GRIN2A: variants seen among roughly 807,000 people sequenced by gnomAD.
GRIN2A encodes glutamate ionotropic receptor NMDA type subunit 2A, also known as glutamate receptor ionotropic, NMDA 2A.
GRIN2A carries 22 observed loss-of-function variants against 113.4 expected under a neutral mutation model. That is an observed-to-expected ratio of 0.19 (90% confidence interval 0.14 to 0.28). The LOEUF is 0.28. GRIN2A is among the 10% of genes least tolerant of loss of function. GRIN2A has a pLI of 1.00. For synonymous variants in GRIN2A, 827 were observed against 738.4 expected, an observed-to-expected ratio of 1.12 and a Z score of -1.94; for missense variants, 1,502 against 1,887.0, an observed-to-expected ratio of 0.80 and a Z score of 3.78.
chr16:10,135,447 G>C (rs1337049734), intron 2 of GRIN2A, among the ~76,000 whole-genome samples: 3 of 152,164 alleles, frequency 2.0e-5, no homozygotes, highest in Admixed American at 6.5e-5. Flanking sequence ...TCTGTTGAAG[G>C]ATGTCTAGTC....
rs1900444392 is a variant in GRIN2A at position 9,758,380 on chromosome 16, A to G, written c.*4769T>C. ...CCCTCATCCCAGAGTTTTGTTTTTT[A>G]AAGAAGGGGCCAAGAACGCCAACAC... On this transcript the variant is annotated 3_prime_UTR_variant, in exon 13 of 13. Transcript: ENST00000330684. The G allele has an allele frequency of 4.5e-6, 1 of 223,374 alleles. No individual in the cohort carries two copies. Among genetic ancestry groups the G allele is most frequent in the Non-Finnish European group, 8.9e-6 (1 of 111,872 alleles). The allele number at this position is 223,374 out of a possible 1,614,324, so 13.8% of individuals were successfully genotyped here. A position where few individuals can be genotyped will look rare whatever the true frequency, so the allele number is the denominator to read the frequency against.
intron 2 of GRIN2A, among the ~76,000 whole-genome samples, chr16:10,129,827 G>A (rs969806063): frequency 6.6e-6 from 1 of 152,206 alleles, no homozygotes; most frequent in African/African-American, 2.4e-5. Flanking sequence ...GACCAGCGAG[G>A]TCATGCATTG....
intron 7 of GRIN2A, among the ~76,000 whole-genome samples, chr16:9,834,472 C>A (rs79454775): frequency 6.6e-6 from 1 of 152,160 alleles, no homozygotes; most frequent in Non-Finnish European, 1.5e-5. Flanking sequence ...ACCTCCGCCC[C>A]CCAGGTTCAA....
chr16:9,902,603 A>C (rs927813161), intron 3 of GRIN2A, among the ~76,000 whole-genome samples: 1 of 152,182 alleles, frequency 6.6e-6, no homozygotes, highest in African/African-American at 2.4e-5. Flanking sequence ...AAAATCTTTC[A>C]GATTTCAAAG....
chr16:10,055,046 TC>T (rs530173491), intron 2 of GRIN2A, among the ~76,000 whole-genome samples: 213 of 12,458 alleles, frequency 0.017, 2 homozygotes, highest in Middle Eastern at 0.14. Context: ...AGACTCTATC[TC>T]AAAAAAAAAA....
At chr16:10,179,893 C>CCCCAAACAAAAACAACCA in intron 2 of GRIN2A, 105 bp downstream of exon 2, 1 of 719,818 alleles carries the variant, frequency 1.4e-6, no homozygotes, top group Non-Finnish European at 2.4e-6. Context: ...CCCCCACCCC[C>CCCCAAACAAAAACAACCA]ACTTCACATC....
rs1900325665 is a variant in GRIN2A at position 9,755,738 on chromosome 16, G to C, written c.*7411C>G. The C allele has an allele frequency of 1.9e-5, 4 of 210,368 alleles. No individual in the cohort carries two copies. The highest frequency in any genetic ancestry group is 9.1e-5 in the African/African-American group (4 of 43,964). The allele number at this position is 210,368 out of a possible 1,614,324, so 13.0% of individuals were successfully genotyped here. On this transcript the variant is annotated 3_prime_UTR_variant, in exon 13 of 13. Coordinates refer to ENST00000330684, the MANE Select transcript of GRIN2A (RefSeq NM_001134407.3). ...ATATGTTAAACATTAGGCCATTCTG[G>C]GTACCTATAAAGCCCGGTGGAAGCG...
In GRIN2A at chr16:10,171,444, G is replaced by C. The variant is rs372993325; in HGVS notation, c.414+8554C>G. The C allele has an allele frequency of 6.6e-4, 101 of 152,298 alleles. 2 individuals carry two copies. Among genetic ancestry groups the C allele is most frequent in the African/African-American group, 2.3e-3 (96 of 41,558 alleles). The allele number at this position is 152,298 out of a possible 1,614,324, so 9.4% of individuals were successfully genotyped here. On this transcript the variant is annotated intron_variant, in intron 2 of 12. Coordinates refer to ENST00000330684, the MANE Select transcript of GRIN2A (RefSeq NM_001134407.3). Reference sequence around the variant, plus strand: ...GTTGGTGGAGTCATTTAGTGCAAAGGTCAATGAGATAGTCTTCTCCTGCGA... The same window carrying C: ...GTTGGTGGAGTCATTTAGTGCAAAGCTCAATGAGATAGTCTTCTCCTGCGA...
At chr16:9,885,921 A>T (rs1438603654) in intron 4 of GRIN2A, among the ~76,000 whole-genome samples, 1 of 152,224 alleles carries the variant, frequency 6.6e-6, no homozygotes, top group Non-Finnish European at 1.5e-5. Context: ...TTTTATGGGA[A>T]ATTGCTATGT....
At chr16:9,950,698 A>C (rs1421191229) in intron 2 of GRIN2A, among the ~76,000 whole-genome samples, 1 of 152,190 alleles carries the variant, frequency 6.6e-6, no homozygotes, top group Non-Finnish European at 1.5e-5. Flanking sequence ...GGAAGGCGCA[A>C]GGATTTTGGA....
intron 2 of GRIN2A, among the ~76,000 whole-genome samples, chr16:10,156,913 G>C (rs1002526537): frequency 6.6e-6 from 1 of 152,178 alleles, no homozygotes; most frequent in Non-Finnish European, 1.5e-5. Flanking sequence ...CTATGGGCAC[G>C]TGAAAGAAAG....
intron 2 of GRIN2A, among the ~76,000 whole-genome samples, chr16:10,089,835 C>T (rs952854431): frequency 1.1e-4 from 16 of 152,162 alleles, no homozygotes; most frequent in African/African-American, 3.9e-4. Flanking sequence ...CTTCCCAAAT[C>T]CCCTTGAAAT....
intron 8 of GRIN2A, among the ~76,000 whole-genome samples, chr16:9,830,412 T>C (rs1359534029): frequency 1.3e-5 from 2 of 148,330 alleles, no homozygotes; most frequent in Non-Finnish European, 3.0e-5. Context: ...CCAAAATTTA[T>C]GGCGATGGGG....
chr16:10,109,344 GGA>G (rs1491317859), intron 2 of GRIN2A, among the ~76,000 whole-genome samples: 2 of 102,934 alleles, frequency 1.9e-5, no homozygotes, highest in Non-Finnish European at 4.9e-5. Flanking sequence ...AAACATTTAA[GGA>G]AAAAAAAAAA....
intron 2 of GRIN2A, among the ~76,000 whole-genome samples, chr16:10,089,872 G>C (rs2048153141): frequency 6.6e-6 from 1 of 152,140 alleles, no homozygotes; most frequent in Admixed American, 6.5e-5. Context: ...CAGGAGCTAT[G>C]ATGGGTGGGA....
At chr16:9,777,359 G>A (rs749830604) in intron 11 of GRIN2A, among the ~76,000 whole-genome samples, 13 of 152,176 alleles carry the variant, frequency 8.5e-5, no homozygotes, top group African/African-American at 2.7e-4. Context: ...CTGTTCTCAC[G>A]ATCTCAGAGG....
chr16:10,015,926 G>A (rs2141881902), intron 2 of GRIN2A, among the ~76,000 whole-genome samples: 1 of 152,086 alleles, frequency 6.6e-6, no homozygotes, highest in Non-Finnish European at 1.5e-5. Context: ...GGTCAGCCTG[G>A]CCAACATGAT....
At chr16:9,873,010 T>A (rs34076677) in intron 4 of GRIN2A, among the ~76,000 whole-genome samples, 34,305 of 151,826 alleles carry the variant, frequency 0.23, 4,012 homozygotes, top group African/African-American at 0.25. Context: ...GCACCACTAT[T>A]CTCCAGCCTG....
chr16:10,068,070 A>C (rs1230196883), intron 2 of GRIN2A, among the ~76,000 whole-genome samples: 1 of 152,244 alleles, frequency 6.6e-6, no homozygotes, highest in African/African-American at 2.4e-5. Flanking sequence ...TGTGCAATGC[A>C]CATAGCAGCT....
Sources: allele counts gnomAD v4.1 joint callset (sites outside exome capture counted in the v4.1 genomes callset), GRCh38; gene constraint gnomAD v4.1.1; transcripts MANE v1.5; gene names NCBI Gene and HGNC (gene_info 2026-07-23, HGNC 2026-07-21).